Variants in C13orf46 observed in about 807,000 individuals in gnomAD.
The protein encoded by C13orf46 is chromosome 13 open reading frame 46.
At chr13:113,971,460 C>T (rs902964378) in intron 1 of C13orf46, among the ~76,000 whole-genome samples, 3 of 152,350 alleles carry the variant, frequency 2.0e-5, no homozygotes, top group Admixed American at 1.3e-4. Flanking sequence ...AGAGCCTTTG[C>T]AGAATCAACA....
the C13orf46 span, among the ~76,000 whole-genome samples, chr13:113,931,199 GT>G: frequency 3.3e-5 from 5 of 152,240 alleles, no homozygotes; most frequent in African/African-American, 1.2e-4. Context: ...CCCAATGCTG[GT>G]TTACCACAGA....
At chr13:113,964,153 A>G (rs1444728252) in intron 6 of C13orf46, among the ~76,000 whole-genome samples, 3 of 152,210 alleles carry the variant, frequency 2.0e-5, no homozygotes, top group South Asian at 2.1e-4. Context: ...GTATCATGTG[A>G]CTGTTTTATA....
the C13orf46 span, among the ~76,000 whole-genome samples, chr13:113,935,466 C>T: frequency 2.6e-4 from 39 of 152,364 alleles, no homozygotes; most frequent in African/African-American, 9.1e-4. Flanking sequence ...GTAGCTGCTG[C>T]GGGGCTGAGC....
the C13orf46 span, among the ~76,000 whole-genome samples, chr13:113,930,739 G>A: frequency 2.0e-5 from 3 of 152,358 alleles, no homozygotes; most frequent in East Asian, 5.8e-4. Context: ...CACCTGTAAA[G>A]TGGGAGTATC....
chr13:113,930,374 C>CGAGGCGGGGACGCGGGAGCACT, the C13orf46 span, among the ~76,000 whole-genome samples: 1 of 97,972 alleles, frequency 1.0e-5, no homozygotes, highest in Non-Finnish European at 2.2e-5. Flanking sequence ...GCAGGAGCAC[C>CGAGGCGGGGACGCGGGAGCACT]GAGGCGGGGG....
chr13:113,959,800 G>A (rs1197977664), intron 6 of C13orf46, among the ~76,000 whole-genome samples: 1 of 152,174 alleles, frequency 6.6e-6, no homozygotes, highest in African/African-American at 2.4e-5. Flanking sequence ...CAAAATGACT[G>A]GCTATTTTAA....
intron 2 of C13orf46, among the ~76,000 whole-genome samples, chr13:113,969,123 C>T (rs2052678025): frequency 1.3e-5 from 2 of 152,260 alleles, no homozygotes; most frequent in African/African-American, 4.8e-5. Context: ...CATGTGGATA[C>T]CAAATGGGCC....
Position 113,954,354 on chromosome 13 carries a change from C to A in C13orf46, c.*2419G>T, listed in dbSNP as rs1051700671. The A allele has an allele frequency of 6.6e-6, 1 of 152,370 alleles. No individual in the cohort carries two copies. Among genetic ancestry groups the A allele is most frequent in the Admixed American group, 6.5e-5 (1 of 15,288 alleles). 9.4% of individuals were successfully genotyped at this position (152,370 alleles called of 1,614,324 possible). A position where few individuals can be genotyped will look rare whatever the true frequency, so the allele number is the denominator to read the frequency against. ...TGTGCTGTGTACATATGAATATGCA[C>A]GTGTGCGTGTCTGAACGAGAGGGCT... On this transcript the variant is annotated 3_prime_UTR_variant, in exon 7 of 7. Transcript: ENST00000636427.
chr13:113,942,897 A>T, the C13orf46 span, among the ~76,000 whole-genome samples: 2 of 152,140 alleles, frequency 1.3e-5, no homozygotes, highest in East Asian at 3.9e-4. Flanking sequence ...GCCGGAGGTG[A>T]GGTGGGAGCC....
At chr13:113,929,872 T>C in the C13orf46 span, among the ~76,000 whole-genome samples, 1 of 152,206 alleles carries the variant, frequency 6.6e-6, no homozygotes, top group Admixed American at 6.5e-5. Flanking sequence ...CTGCATTCAG[T>C]TCTGCCCGAG....
downstream of C13orf46, among the ~76,000 whole-genome samples, chr13:113,950,504 C>T (rs1594239369): frequency 6.6e-6 from 1 of 152,248 alleles, no homozygotes; most frequent in African/African-American, 2.4e-5. Flanking sequence ...TCATCACCCC[C>T]TGCCTGCCCC....
At chr13:113,965,651 CAAT>C (rs1263617153) in intron 5 of C13orf46, among the ~76,000 whole-genome samples, 7 of 149,950 alleles carry the variant, frequency 4.7e-5, no homozygotes, top group East Asian at 2.0e-4. Flanking sequence ...ATGATTGTGA[CAAT>C]GATGATGGTG....
At chr13:113,965,993 T>C (rs1021180955) in intron 5 of C13orf46, among the ~76,000 whole-genome samples, 90 of 151,574 alleles carry the variant, frequency 5.9e-4, no homozygotes, top group Non-Finnish European at 8.1e-4. Flanking sequence ...GTGACAGTGA[T>C]AGTGGTGATG....
At chr13:113,942,198 A>G in the C13orf46 span, among the ~76,000 whole-genome samples, 2 of 152,226 alleles carry the variant, frequency 1.3e-5, no homozygotes, top group African/African-American at 4.8e-5. Context: ...AGAATACAAT[A>G]GACGCATATG....
downstream of C13orf46, among the ~76,000 whole-genome samples, chr13:113,953,171 T>A (rs2052496255): frequency 6.6e-6 from 1 of 152,154 alleles, no homozygotes; most frequent in Non-Finnish European, 1.5e-5. Context: ...GTGTGGCTGC[T>A]GAGTGCCCTG....
chr13:113,942,224 G>A, the C13orf46 span, among the ~76,000 whole-genome samples: 1 of 152,172 alleles, frequency 6.6e-6, no homozygotes, highest in Non-Finnish European at 1.5e-5. Context: ...TGCTGCTGTC[G>A]CCACTGGCCG....
the C13orf46 span, among the ~76,000 whole-genome samples, chr13:113,933,150 C>T: frequency 2.0e-5 from 3 of 152,306 alleles, no homozygotes; most frequent in East Asian, 5.8e-4. Flanking sequence ...CAGGTGTGAG[C>T]CACTGCATCC....
the C13orf46 span, chr13:113,927,084 C>T: frequency 6.5e-6 from 1 of 153,484 alleles, no homozygotes; most frequent in African/African-American, 2.4e-5. Flanking sequence ...GAGGTCAGAT[C>T]TTGGCTCTGG....
the C13orf46 span, among the ~76,000 whole-genome samples, chr13:113,932,797 C>T: frequency 1.1e-4 from 16 of 144,638 alleles, no homozygotes; most frequent in East Asian, 3.1e-3. Flanking sequence ...TAAAAGTCAC[C>T]ATGATTTTAT....
Sources: allele counts gnomAD v4.1 joint callset (sites outside exome capture counted in the v4.1 genomes callset), GRCh38; gene constraint gnomAD v4.1.1; transcripts MANE v1.5; gene names NCBI Gene and HGNC (gene_info 2026-07-23, HGNC 2026-07-21).